TOR1AIP1: variants seen among roughly 807,000 people sequenced by gnomAD.
TOR1AIP1 encodes the protein torsin-1A-interacting protein 1.
TOR1AIP1 carries 54 observed loss-of-function variants against 63.3 expected under a neutral mutation model. That is an observed-to-expected ratio of 0.85 (90% CI 0.69 to 1.07). The LOEUF (loss-of-function observed/expected upper bound fraction) is 1.07, where lower values mean the gene tolerates loss of function less well. Ranked by LOEUF, TOR1AIP1 falls within the 50% of genes least tolerant of loss-of-function variation. TOR1AIP1 has a pLI of 0.00. For missense variants in TOR1AIP1, 736 were observed against 715.0 expected (o/e 1.03, Z -0.33); for synonymous variants, 294 against 273.5 (o/e 1.07, Z -0.74).
chr1:179,889,667 T>A lies in TOR1AIP1; in HGVS notation c.610+298T>A, dbSNP rs10913903. Among the ~76,000 whole-genome samples the A allele has an allele frequency of 4.6e-3, 629 of 135,302 alleles. 5 individuals carry two copies. Among genetic ancestry groups the A allele is most frequent in the African/African-American group, 0.016 (579 of 37,296 alleles). The allele number at this position is 135,302 out of a possible 152,430, so 88.8% of individuals were successfully genotyped here. On this transcript the variant is annotated intron_variant, in intron 3 of 9. Coordinates refer to ENST00000606911, the MANE Select transcript of TOR1AIP1 (RefSeq NM_015602.4). ...TCATTTCTGTCTTTTTTTTTTTTTT[T>A]AATTTGAGACAAGATCTCGCTCTGT...
intron 8 of TOR1AIP1, among the ~76,000 whole-genome samples, chr1:179,911,736 A>G (rs754965311): frequency 7.2e-5 from 11 of 152,132 alleles, no homozygotes; most frequent in Admixed American, 3.9e-4. Flanking sequence ...GTGAACCTCA[A>G]TTTTCTTGCC....
chr1:179,885,624 T>C (rs1647887890), intron 2 of TOR1AIP1, among the ~76,000 whole-genome samples: 1 of 152,226 alleles, frequency 6.6e-6, no homozygotes, highest in African/African-American at 2.4e-5. Context: ...TCCTGACTTA[T>C]TTACCTGTTT....
rs1022492574 is a variant in TOR1AIP1, at chr1:179,919,757, G to C, written c.*1518G>C. ...TTTGAGAGTTCCACAAGTGGTAGTA[G>C]AGTGGTTTAACGTCTTTCCTCTAGT... On this transcript the variant is annotated 3_prime_UTR_variant, in exon 10 of 10. Transcript: ENST00000606911. 1.3e-5 allele frequency: 2 copies of C among 152,192 alleles called. No homozygotes were observed. Among genetic ancestry groups the C allele is most frequent in the African/African-American group, 4.8e-5 (2 of 41,444 alleles). The allele number at this position is 152,192 out of a possible 1,614,324, so 9.4% of individuals were successfully genotyped here. A position where few individuals can be genotyped will look rare whatever the true frequency, so the allele number is the denominator to read the frequency against.
chr1:179,883,461 G>A (rs1242998256), intron 1 of TOR1AIP1, among the ~76,000 whole-genome samples: 6 of 152,218 alleles, frequency 3.9e-5, no homozygotes, highest in African/African-American at 1.4e-4. Flanking sequence ...AGAGGAAGGA[G>A]AAATTTTGTG....
At chr1:179,893,010 G>A (rs1365575146) in intron 3 of TOR1AIP1, among the ~76,000 whole-genome samples, 1 of 152,168 alleles carries the variant, frequency 6.6e-6, no homozygotes, top group Non-Finnish European at 1.5e-5. Flanking sequence ...GGAGGCCGAG[G>A]CGGGTGGATC....
chr1:179,905,359 C>T (rs921359486), intron 6 of TOR1AIP1, among the ~76,000 whole-genome samples: 6 of 151,436 alleles, frequency 4.0e-5, no homozygotes, highest in African/African-American at 4.9e-5. Context: ...CCAGCCTGGG[C>T]GACAGAGTGA....
intron 8 of TOR1AIP1, 109 bp downstream of exon 8, chr1:179,908,782 C>T (rs1374260918): frequency 1.1e-6 from 1 of 896,664 alleles, no homozygotes; most frequent in African/African-American, 1.7e-5. Flanking sequence ...TGTGATTTCA[C>T]TAATAAAGTA....
chr1:179,898,736 A>G (rs1315923014), intron 3 of TOR1AIP1, among the ~76,000 whole-genome samples: 1 of 152,140 alleles, frequency 6.6e-6, no homozygotes, highest in Non-Finnish European at 1.5e-5. Flanking sequence ...TTAAATTAAA[A>G]TCTTAAAAAA....
chr1:179,889,142 TATC>T (rs1370513964), intron 2 of TOR1AIP1, among the ~76,000 whole-genome samples, 168 bp from the exon 3 acceptor site: 1 of 152,250 alleles, frequency 6.6e-6, no homozygotes, highest in Non-Finnish European at 1.5e-5. Flanking sequence ...TCTAGTTCAC[TATC>T]ATCACTAGTT....
In TOR1AIP1 at chr1:179,919,887, G is replaced by A. The variant is rs1649144066; in HGVS notation, c.*1648G>A. 1 of 152,084 alleles carries A rather than the reference G, an allele frequency of 6.6e-6. No individual in the cohort carries two copies. The highest frequency in any genetic ancestry group is 1.5e-5 in the Non-Finnish European group (1 of 68,018). The allele number at this position is 152,084 out of a possible 1,614,324, so 9.4% of individuals were successfully genotyped here. A position where few individuals can be genotyped will look rare whatever the true frequency, so the allele number is the denominator to read the frequency against. Reference sequence around the variant, plus strand: ...TATGAAAACCAGAGTTTTTGAAAAGGCTTATTTTATACATACGTATTATAT... The same window carrying A: ...TATGAAAACCAGAGTTTTTGAAAAGACTTATTTTATACATACGTATTATAT... On this transcript the variant is annotated 3_prime_UTR_variant, in exon 10 of 10. Coordinates refer to ENST00000606911, the MANE Select transcript of TOR1AIP1 (RefSeq NM_015602.4).
At chr1:179,908,982 G>T (rs558106976) in intron 8 of TOR1AIP1, among the ~76,000 whole-genome samples, 1 of 152,016 alleles carries the variant, frequency 6.6e-6, no homozygotes, top group Non-Finnish European at 1.5e-5. Context: ...TGGCTAACAC[G>T]GTGAAACCTC....
intron 2 of TOR1AIP1, among the ~76,000 whole-genome samples, chr1:179,888,378 ATCC>A (rs1255000970): frequency 6.6e-6 from 1 of 152,182 alleles, no homozygotes; most frequent in African/African-American, 2.4e-5. Context: ...TCAAGCTATC[ATCC>A]TCCTGCCTTC....
rs565252677 is a variant in TOR1AIP1 at position 179,917,560 on chromosome 1, C to G, written c.1073C>G (p.Pro358Arg). 6.8e-6 allele frequency: 11 copies of G among 1,614,088 alleles called. No individual in the cohort carries two copies. In the South Asian group the frequency reaches 1.2e-4, roughly 18 times the overall value. The stretch of plus-strand genomic sequence containing the variant: ...GGGAGTTTTTGGTTCTTTAGTACTC[C>G]TGAGGTAGAAACCACTGCTGTTCAA... ...ASGSFWFFST[P>R]EVETTAVQEF... Residue 358 changes from proline (P) to arginine (R), a missense_variant, in exon 10 of 10, where the codon CCT (proline) becomes CGT (arginine). Around this residue, in one of 2 missense-constraint regions of TOR1AIP1, gnomAD observed 272 missense variants for 344.1 expected, o/e 0.79. Coordinates refer to ENST00000606911, the MANE Select transcript of TOR1AIP1 (RefSeq NM_015602.4).
intron 2 of TOR1AIP1, among the ~76,000 whole-genome samples, chr1:179,885,035 G>A (rs1647873362): frequency 6.6e-6 from 1 of 152,134 alleles, no homozygotes; most frequent in Non-Finnish European, 1.5e-5. Flanking sequence ...CTTCTCCAGA[G>A]CCCTTTTACT....
At chr1:179,902,395 T>C (rs1648496972) in intron 5 of TOR1AIP1, among the ~76,000 whole-genome samples, 1 of 151,912 alleles carries the variant, frequency 6.6e-6, no homozygotes, top group Non-Finnish European at 1.5e-5. Context: ...GGTTTTTGTT[T>C]TTATTTTTTT....
At chr1:179,887,307 G>A (rs1180703916) in intron 2 of TOR1AIP1, among the ~76,000 whole-genome samples, 2 of 152,278 alleles carry the variant, frequency 1.3e-5, no homozygotes, top group East Asian at 3.9e-4. Context: ...GCTGAGGCAG[G>A]AGAATCGCTT....
At chr1:179,883,770 T>G in intron 1 of TOR1AIP1, 1 of 443,812 alleles carries the variant, frequency 2.3e-6, no homozygotes, top group Non-Finnish European at 4.6e-6. Context: ...AGTGAGTGTA[T>G]AGTGTTAGGT....
At chr1:179,895,073 C>T (rs962217540) in intron 3 of TOR1AIP1, among the ~76,000 whole-genome samples, 5 of 152,182 alleles carry the variant, frequency 3.3e-5, no homozygotes, top group Admixed American at 2.6e-4. Context: ...AGTGATCTAT[C>T]TTAAACATAA....
rs1173706829 is a variant in TOR1AIP1, at chr1:179,900,106, T to C, written c.611-20T>C. 1.3e-6 allele frequency: 2 copies of C among 1,590,774 alleles called. No homozygotes were observed. Among genetic ancestry groups the C allele is most frequent in the Non-Finnish European group, 1.7e-6 (2 of 1,162,826 alleles). On this transcript the variant is annotated intron_variant, in intron 3 of 9. Coordinates refer to ENST00000606911, the MANE Select transcript of TOR1AIP1 (RefSeq NM_015602.4). ...TTGATGTTATATGTTTAATATTTGA[T>C]GTATGCTTTTTTCTTCTAGAAGCCA...
Sources: gnomAD v4.1 joint callset for allele counts (sites outside exome capture counted in the v4.1 genomes callset) on GRCh38, gnomAD v4.1.1 for gene constraint, gnomAD v4.1.1 regional missense constraint, MANE v1.5 for transcripts, NCBI Gene and HGNC (gene_info 2026-07-23, HGNC 2026-07-21) for gene names.